The following REXO5 variants were observed in gnomAD, a reference collection of about 807,000 sequenced individuals.
The protein encoded by REXO5 is exonuclease NEF-sp.
REXO5 carries 48 observed loss-of-function variants against 88.5 expected under a neutral mutation model. The ratio of observed to expected loss-of-function variants is 0.54; its 90% CI spans 0.43 to 0.69. The LOEUF (loss-of-function observed/expected upper bound fraction) is 0.69. Ranked by LOEUF, REXO5 falls within the 30% of genes least tolerant of loss-of-function variation. REXO5 has a pLI of 0.00. For missense variants in REXO5, 749 were observed against 912.2 expected (o/e 0.82, Z 2.30); for synonymous variants, 311 against 336.5 (o/e 0.92, Z 0.83).
At position 20,824,510 on chromosome 16, in the gene REXO5, G is replaced by C. The variant is rs927808844; in HGVS notation, c.688G>C (p.Gly230Arg). 4 of 1,608,112 alleles carry C rather than the reference G, an allele frequency of 2.5e-6. No individual in the cohort carries two copies. Among genetic ancestry groups the C allele is most frequent in the Non-Finnish European group, 3.4e-6 (4 of 1,175,150 alleles). Residue 230 changes from glycine to arginine, a missense_variant, in exon 7 of 20, where the codon GGA (glycine) becomes CGA (arginine). Transcript: ENST00000261377. ...GSIADNSPLF[G>R]LDCEMCLTSK... ...TATAGCAGACAATAGTCCTCTCTTT[G>C]GACTTGACTGTGAAATGGCACGTAC...
At chr16:20,842,410 A>G (rs879730974) in intron 15 of REXO5, among the ~76,000 whole-genome samples, 1 of 151,826 alleles carries the variant, frequency 6.6e-6, no homozygotes, top group Non-Finnish European at 1.5e-5. Context: ...TTTCATGTAT[A>G]TACCACATTT....
Position 20,848,552 on chromosome 16 carries a change from A to G in REXO5, c.2244-847A>G, listed in dbSNP as rs563241748. On this transcript the variant is annotated intron_variant, in intron 19 of 19. Transcript: ENST00000261377. ...CTCCAGAGCAACTCTCCTGCCCTCAAAGCTCTAGTTCTCCATACACAAAAG... is the reference window on the plus strand; with the variant it reads ...CTCCAGAGCAACTCTCCTGCCCTCAGAGCTCTAGTTCTCCATACACAAAAG... Among the ~76,000 whole-genome samples, 6 of 152,280 alleles carry G rather than the reference A, an allele frequency of 3.9e-5. No individual in the cohort carries two copies. The South Asian group carries it at 8.3e-4, about 21-fold the overall frequency.
At chr16:20,842,265 T>A (rs896979690) in intron 15 of REXO5, among the ~76,000 whole-genome samples, 1 of 150,552 alleles carries the variant, frequency 6.6e-6, no homozygotes, top group Non-Finnish European at 1.5e-5. Context: ...CTACTCTGTG[T>A]ACGTACCTCA....
chr16:20,813,098 TA>T, intron 2 of REXO5, 91 bp from the exon 3 acceptor site: 1 of 851,602 alleles, frequency 1.2e-6, no homozygotes, highest in Non-Finnish European at 2.0e-6. Context: ...ACCTGTATGT[TA>T]AAGTAATCAG....
At chr16:20,807,825 A>G (rs1313504523) in intron 2 of REXO5, among the ~76,000 whole-genome samples, 1 of 152,028 alleles carries the variant, frequency 6.6e-6, no homozygotes, top group African/African-American at 2.4e-5. Context: ...ACAAAAATAC[A>G]ATTCCTTGCC....
intron 5 of REXO5, among the ~76,000 whole-genome samples, chr16:20,816,760 T>A (rs1402363353): frequency 6.6e-6 from 1 of 152,188 alleles, no homozygotes; most frequent in African/African-American, 2.4e-5. Flanking sequence ...GATACCTGGG[T>A]ATCACTGATG....
intron 3 of REXO5, among the ~76,000 whole-genome samples, chr16:20,814,087 CTGT>C (rs2081044761): frequency 2.0e-5 from 3 of 150,108 alleles, no homozygotes; most frequent in African/African-American, 7.3e-5. Context: ...TTATCTAAAA[CTGT>C]TTTTTTTTTT....
At chr16:20,838,722 G>A (rs1354137362) in intron 13 of REXO5, among the ~76,000 whole-genome samples, 1 of 152,104 alleles carries the variant, frequency 6.6e-6, no homozygotes, top group Non-Finnish European at 1.5e-5. Flanking sequence ...TTCCAAACAA[G>A]GCCTTCTTCA....
intron 2 of REXO5, among the ~76,000 whole-genome samples, chr16:20,812,320 G>A (rs754202294): frequency 4.6e-5 from 7 of 152,054 alleles, no homozygotes; most frequent in Admixed American, 1.3e-4. Flanking sequence ...TCAGGAGCTC[G>A]AGACCAGCCT....
In REXO5 at chr16:20,806,531, T is replaced by A; in HGVS notation, c.-177T>A. ...CCGCGAGGCTGAGGGGCGGTTGTTGTTGGCAGCTGTGGCTAAGGAGGGGAG... is the reference window on the plus strand; with the variant it reads ...CCGCGAGGCTGAGGGGCGGTTGTTGATGGCAGCTGTGGCTAAGGAGGGGAG... On this transcript the variant is annotated 5_prime_UTR_variant, in exon 1 of 20. It adds an upstream start codon to the 5' untranslated region. Coordinates refer to ENST00000261377, the MANE Select transcript of REXO5 (RefSeq NM_030941.3). The A allele has an allele frequency of 1.3e-6, 2 of 1,531,624 alleles. No individual in the cohort carries two copies. The highest frequency in any genetic ancestry group is 1.8e-6 in the Non-Finnish European group (2 of 1,140,586). The allele number at this position is 1,531,624 out of a possible 1,614,324, so 94.9% of individuals were successfully genotyped here. A position where few individuals can be genotyped will look rare whatever the true frequency, so the allele number is the denominator to read the frequency against.
intron 15 of REXO5, 98 bp from the exon 16 acceptor site, chr16:20,843,835 TG>T: frequency 1.3e-6 from 1 of 751,236 alleles, no homozygotes; most frequent in Non-Finnish European, 2.3e-6. Context: ...GCATCCATTC[TG>T]GTGGCTTTGG....
Position 20,844,848 on chromosome 16 carries a change from A to C in REXO5, c.1936+3A>C. ...GCAGAAAAAATACTGTTTCCTGAGT[A>C]AGTCTATGCTACTGAATGTAGCTTT... is the stretch of plus-strand genomic sequence containing the variant. On this transcript the variant is annotated splice_donor_region_variant and intron_variant, in intron 17 of 19. Coordinates refer to ENST00000261377, the MANE Select transcript of REXO5 (RefSeq NM_030941.3). 1.2e-6 allele frequency: 2 copies of C among 1,611,336 alleles called. No individual in the cohort carries two copies. The highest frequency in any genetic ancestry group is 1.7e-6 in the Non-Finnish European group (2 of 1,178,036).
At chr16:20,819,037 G>A (rs1292345251) in intron 5 of REXO5, among the ~76,000 whole-genome samples, 2 of 152,134 alleles carry the variant, frequency 1.3e-5, no homozygotes, top group African/African-American at 4.8e-5. Context: ...TTGGTTTTCT[G>A]TTTCTGCATT....
At chr16:20,837,248 G>A (rs973664823) in intron 13 of REXO5, among the ~76,000 whole-genome samples, 2 of 152,106 alleles carry the variant, frequency 1.3e-5, no homozygotes, top group African/African-American at 4.8e-5. Flanking sequence ...TTTTACTGAG[G>A]ATTTATTTTT....
chr16:20,813,124 TA>T, intron 2 of REXO5, 65 bp from the exon 3 acceptor site: 1 of 1,048,272 alleles, frequency 9.5e-7, no homozygotes, highest in Middle Eastern at 2.0e-4. Flanking sequence ...TAGAATAATT[TA>T]ACTTGCTTTG....
At position 20,832,480 on chromosome 16, in the gene REXO5, T is replaced by C. The variant is rs1290039617; in HGVS notation, c.1262+221T>C. Among the ~76,000 whole-genome samples, 17 of 146,736 alleles carry C rather than the reference T, an allele frequency of 1.2e-4. No individual in the cohort carries two copies. The Admixed American group carries it at 1.2e-3, about 10-fold the overall frequency. On this transcript the variant is annotated intron_variant, in intron 12 of 19. Coordinates refer to ENST00000261377, the MANE Select transcript of REXO5 (RefSeq NM_030941.3). Reference sequence around the variant, plus strand: ...TCTGAATCTAGTGGCTGGTCTAAAATGATATCCTTGATCAAAAAAAAAAAA... The same window carrying C: ...TCTGAATCTAGTGGCTGGTCTAAAACGATATCCTTGATCAAAAAAAAAAAA...
chr16:20,827,707 G>T (rs964164286), intron 10 of REXO5, among the ~76,000 whole-genome samples: 1 of 152,142 alleles, frequency 6.6e-6, no homozygotes, highest in Non-Finnish European at 1.5e-5. Context: ...ATACCTATAT[G>T]CCTATACAAG....
chr16:20,832,194 A>G lies in REXO5; in HGVS notation c.1197A>G (p.Gln399=), dbSNP rs200019894. ...ELNLEALANH[Q]EIQAAGQEPK... is the part of the protein sequence containing the mutation. ...ATCTAGAAGCACTAGCTAATCACCA[A>G]GAAATACAAGCAGCAGGCCAAGAGC... is the stretch of plus-strand genomic sequence containing the variant. Residue 399 remains glutamine (Q), a synonymous_variant, in exon 12 of 20, where the codon CAA becomes CAG. Transcript: ENST00000261377. 3.1e-6 allele frequency: 5 copies of G among 1,611,812 alleles called. No individual in the cohort carries two copies. Among genetic ancestry groups the G allele is most frequent in the East Asian group, 2.2e-5 (1 of 44,658 alleles).
chr16:20,820,058 T>C (rs1188689475), intron 5 of REXO5, among the ~76,000 whole-genome samples: 2 of 152,170 alleles, frequency 1.3e-5, no homozygotes, highest in Non-Finnish European at 2.9e-5. Context: ...CAGCCTCTAC[T>C]CCATTTTTTA....
Sources: allele counts gnomAD v4.1 joint callset (sites outside exome capture counted in the v4.1 genomes callset), GRCh38; gene constraint gnomAD v4.1.1; transcripts MANE v1.5; gene names NCBI Gene and HGNC (gene_info 2026-07-23, HGNC 2026-07-21).